The following EGLN2 variants were observed in gnomAD, a reference collection of about 807,000 sequenced individuals.
EGLN2 encodes egl-9 family hypoxia inducible factor 2.
In EGLN2, 15 loss-of-function variants were observed where a neutral mutation model predicts 38.2. The observed-to-expected ratio is 0.39, with a 90% CI of 0.26 to 0.60. The LOEUF (loss-of-function observed/expected upper bound fraction) is 0.60. EGLN2 is among the 20% of genes least tolerant of loss of function. The probability of loss-of-function intolerance (pLI) is 0.50; values close to 1 mark genes in which losing one functional copy is unlikely to be tolerated. For synonymous variants in EGLN2, 284 were observed against 237.4 expected (o/e 1.20, Z -1.81); for missense variants, 492 against 570.4 (o/e 0.86, Z 1.40).
intron 5 of EGLN2, 22 bp from the exon 6 acceptor site, chr19:40,807,786 CT>C: frequency 6.2e-7 from 1 of 1,613,588 alleles, no homozygotes; most frequent in Non-Finnish European, 8.5e-7. Flanking sequence ...GACTCACTGT[CT>C]CCTGTCCCCT....
Position 40,800,663 on chromosome 19 carries a change from C to T in EGLN2, c.91C>T (p.Arg31Trp), listed in dbSNP as rs796541103. The change falls in exon 2 of 6, where the codon CGG becomes TGG. Residue 31 changes from arginine (R) to tryptophan (W), a missense_variant. This residue lies in a region of EGLN2 where 378 missense variants were observed against 386.2 expected (regional missense o/e 0.98). Coordinates refer to ENST00000303961, the MANE Select transcript of EGLN2 (RefSeq NM_080732.4). Reference protein sequence around the residue: ...SSEPLEPEPGRARMGVESYLP... With the variant: ...SSEPLEPEPGWARMGVESYLP... Reference sequence around the variant, plus strand: ...AGAGCCCTTGGAGCCTGAGCCTGGCCGGGCCAGGATGGGAGTGGAGAGTTA... The same window carrying T: ...AGAGCCCTTGGAGCCTGAGCCTGGCTGGGCCAGGATGGGAGTGGAGAGTTA... 1.7e-5 allele frequency: 27 copies of T among 1,613,908 alleles called. No homozygotes were observed. Among genetic ancestry groups the T allele is most frequent in the Non-Finnish European group, 1.9e-5 (22 of 1,180,030 alleles).
rs1159163907 is a variant in EGLN2 at position 40,806,639 on chromosome 19, T to TG, written c.929dup (p.Cys310TrpfsTer12). On this transcript the variant is annotated frameshift_variant, in exon 3 of 6. Coordinates refer to ENST00000303961, the MANE Select transcript of EGLN2 (RefSeq NM_080732.4). LOFTEE classifies it high-confidence loss of function. ...CCACGGCGATGGGCGCTGCATCACCTGTATCTATTACCTGAATCAGAACTG... is the reference window on the plus strand; with the variant it reads ...CCACGGCGATGGGCGCTGCATCACCTGGTATCTATTACCTGAATCAGAACTG... 2 of 1,613,948 alleles carry TG rather than the reference T, an allele frequency of 1.2e-6. No individual in the cohort carries two copies. Among genetic ancestry groups the TG allele is most frequent in the African/African-American group, 2.7e-5 (2 of 74,906 alleles).
At chr19:40,807,458 T>G in intron 4 of EGLN2, 26 bp from the exon 5 acceptor site, 1 of 1,613,790 alleles carries the variant, frequency 6.2e-7, no homozygotes, top group Admixed American at 1.7e-5. Context: ...TGCAGAAAAC[T>G]AATGTCCAAC....
In EGLN2 at chr19:40,800,895, C is replaced by T. The variant is rs759775167; in HGVS notation, c.323C>T (p.Ala108Val). Residue 108 changes from alanine (A) to valine (V), a missense_variant, in exon 2 of 6, where the codon GCA becomes GTA. Physicochemically the swap from Ala to Val is moderately conservative, Grantham distance 64. Transcript: ENST00000303961. ...ALVTKGCQRL[A>V]AQGARPEAPK... ...GTCACCAAGGGGTGCCAGCGATTGG[C>T]AGCCCAGGGCGCACGGCCTGAGGCC... is the stretch of plus-strand genomic sequence containing the variant. The T allele has an allele frequency of 1.9e-6, 3 of 1,610,002 alleles. No individual in the cohort carries two copies. Among genetic ancestry groups the T allele is most frequent in the Non-Finnish European group, 2.5e-6 (3 of 1,178,624 alleles).
At position 40,801,460 on chromosome 19, in the gene EGLN2, T is replaced by C. The variant is rs955634655; in HGVS notation, c.843+45T>C. On this transcript the variant is annotated intron_variant, in intron 2 of 5. Transcript: ENST00000303961. ...TCTTTGGAGGGGCTTTGCAGCACCC[T>C]GGTTTGCAGCATTCAGTGCTCTGAG... 8.3e-6 allele frequency: 13 copies of C among 1,570,980 alleles called. No homozygotes were observed. The African/African-American group carries it at 9.4e-5, about 11-fold the overall frequency.
At chr19:40,806,326 T>TG in intron 2 of EGLN2, 1 of 715,496 alleles carries the variant, frequency 1.4e-6, no homozygotes, top group Non-Finnish European at 2.2e-6. Flanking sequence ...GTATGTGTGT[T>TG]GGGAGGGAGT....
At chr19:40,806,728 G>T in intron 3 of EGLN2, 54 bp downstream of exon 3, 2 of 1,595,580 alleles carry the variant, frequency 1.3e-6, no homozygotes, top group Non-Finnish European at 1.7e-6. Context: ...TGGGGCGGGG[G>T]TGGCGTGCGT....
At chr19:40,801,742 A>G (rs1301800593) in intron 2 of EGLN2, among the ~76,000 whole-genome samples, 1 of 148,842 alleles carries the variant, frequency 6.7e-6, no homozygotes, top group Non-Finnish European at 1.5e-5. Context: ...TCACAGGACA[A>G]TAGTGGAGGG....
intron 2 of EGLN2, 145 bp from the exon 3 acceptor site, chr19:40,806,404 AGTCTTT>A: frequency 7.1e-7 from 1 of 1,415,564 alleles, no homozygotes. Context: ...TGAAAAAGAA[AGTCTTT>A]TGGGGCAGGA....
At chr19:40,807,106 C>G (rs777929944) in intron 3 of EGLN2, 32 bp from the exon 4 acceptor site, 1 of 1,610,276 alleles carries the variant, frequency 6.2e-7, no homozygotes, top group Non-Finnish European at 8.5e-7. Flanking sequence ...CCTGGCCGTA[C>G]CAGCTAGCCT....
intron 5 of EGLN2, 119 bp from the exon 6 acceptor site, chr19:40,807,690 C>A: frequency 1.4e-6 from 2 of 1,407,776 alleles, no homozygotes; most frequent in Non-Finnish European, 9.9e-7. Context: ...TTAGCCCACT[C>A]TCCTGGTACC....
At position 40,799,193 on chromosome 19, in the gene EGLN2, G is replaced by A. The variant is rs1012104211; in HGVS notation, c.-304G>A. 1 of 148,820 alleles carries A rather than the reference G, an allele frequency of 6.7e-6. No individual in the cohort carries two copies. Among genetic ancestry groups the A allele is most frequent in the Non-Finnish European group, 1.5e-5 (1 of 66,652 alleles). 9.2% of individuals were successfully genotyped at this position (148,820 alleles called of 1,614,324 possible). ...GGGGCGTCGCGCGCGGTGGGGGCGG[G>A]GTATGGCGCGCTGTGCGGCGCAGGG... On this transcript the variant is annotated 5_prime_UTR_variant, in exon 1 of 6. Coordinates refer to ENST00000303961, the MANE Select transcript of EGLN2 (RefSeq NM_080732.4).
intron 2 of EGLN2, among the ~76,000 whole-genome samples, chr19:40,801,651 C>CTTTTTTTTTTTTTTTT (rs58809253): frequency 3.7e-4 from 38 of 102,690 alleles, no homozygotes; most frequent in African/African-American, 5.5e-4. Flanking sequence ...CACAGTGGTT[C>CTTTTTTTTTTTTTTTT]TTTTTTTTTT....
intron 2 of EGLN2, among the ~76,000 whole-genome samples, chr19:40,802,029 A>G (rs913158109): frequency 1.3e-5 from 2 of 152,044 alleles, no homozygotes; most frequent in Non-Finnish European, 1.5e-5. Flanking sequence ...ACGGGGATGT[A>G]GATAGGCACA....
Position 40,807,836 on chromosome 19 carries a change from C to A in EGLN2, c.1196C>A (p.Pro399His), listed in dbSNP as rs1309413071. The A allele has an allele frequency of 6.2e-7, 1 of 1,614,052 alleles. No individual in the cohort carries two copies. Among genetic ancestry groups the A allele is most frequent in the Non-Finnish European group, 8.5e-7 (1 of 1,180,032 alleles). The change falls in exon 6 of 6, where the codon CCT becomes CAT. Residue 399 changes from proline to histidine, a missense_variant. Pro to His is a moderately conservative substitution (Grantham distance 77). Transcript: ENST00000303961. ...LASGQKGVQV[P>H]VSQPPTPT Reference sequence around the variant, plus strand: ...TCAGGACAGAAAGGTGTCCAAGTACCTGTATCACAGCCGCCTACGCCCACC... The same window carrying A: ...TCAGGACAGAAAGGTGTCCAAGTACATGTATCACAGCCGCCTACGCCCACC...
At chr19:40,807,376 G>A in intron 4 of EGLN2, 102 bp downstream of exon 4, 5 of 1,602,316 alleles carry the variant, frequency 3.1e-6, no homozygotes, top group South Asian at 1.1e-5. Context: ...TTGAGAGGGG[G>A]CCTAGGTGGG....
At chr19:40,801,624 G>C (rs1047686571) in intron 2 of EGLN2, among the ~76,000 whole-genome samples, 8 of 150,424 alleles carry the variant, frequency 5.3e-5, no homozygotes, top group African/African-American at 2.0e-4. Context: ...TGATAAGCTA[G>C]GAGTTTGTCC....
intron 2 of EGLN2, 101 bp downstream of exon 2, chr19:40,801,516 G>A (rs920340897): frequency 3.5e-5 from 53 of 1,494,096 alleles, no homozygotes; most frequent in Non-Finnish European, 4.6e-5. Flanking sequence ...GCTTCTGGGA[G>A]GTCACAGAAG....
intron 2 of EGLN2, 172 bp from the exon 3 acceptor site, chr19:40,806,382 TG>T: frequency 7.7e-7 from 1 of 1,294,412 alleles, no homozygotes. Context: ...GACTTGGGGA[TG>T]GGATTTTGGC....
Sources: allele counts gnomAD v4.1 joint callset (sites outside exome capture counted in the v4.1 genomes callset), GRCh38; gene constraint gnomAD v4.1.1; regional missense constraint gnomAD v4.1.1; transcripts MANE v1.5; gene names NCBI Gene and HGNC (gene_info 2026-07-23, HGNC 2026-07-21).